The following KATNIP variants were observed in gnomAD, a reference collection of about 807,000 sequenced individuals.
The protein encoded by KATNIP is katanin interacting protein, also known as katanin-interacting protein.
A neutral mutation model predicts 174.0 loss-of-function variants in KATNIP; 126 were observed. The ratio of observed to expected loss-of-function variants is 0.72; its 90% CI spans 0.63 to 0.84. KATNIP has a LOEUF of 0.84. Ranked by LOEUF, KATNIP falls within the 40% of genes least tolerant of loss-of-function variation. KATNIP has a pLI of 0.00. For missense variants in KATNIP, 1,958 were observed against 2,109.7 expected (o/e 0.93, Z 1.41); for synonymous variants, 810 against 835.7 (o/e 0.97, Z 0.53).
intron 6 of KATNIP, among the ~76,000 whole-genome samples, chr16:27,656,823 A>T (rs1174726528): frequency 3.3e-5 from 5 of 149,866 alleles, no homozygotes; most frequent in African/African-American, 1.2e-4. Flanking sequence ...GCATTGGGAG[A>T]TATACCTAAT....
chr16:27,616,887 TAAAAAAAAAAAAAAAAAAAAAAAA>T (rs556687403), intron 2 of KATNIP, among the ~76,000 whole-genome samples: 8 of 31,384 alleles, frequency 2.5e-4, no homozygotes, highest in African/African-American at 5.3e-4. Flanking sequence ...CCATCTCTAC[TAAAAAAAAAAAAAAAAAAAAAAAA>T]AAAAAAAAAA....
At chr16:27,567,326 A>T (rs2090128730) in intron 1 of KATNIP, among the ~76,000 whole-genome samples, 1 of 152,202 alleles carries the variant, frequency 6.6e-6, no homozygotes, top group South Asian at 2.1e-4. Context: ...ATCCAAATAG[A>T]TCATTCAAAA....
intron 6 of KATNIP, among the ~76,000 whole-genome samples, chr16:27,653,733 A>T (rs1382136045): frequency 6.6e-6 from 1 of 151,112 alleles, no homozygotes; most frequent in East Asian, 2.0e-4. Context: ...ATCACAGCTC[A>T]TTGCAACCTC....
intron 12 of KATNIP, among the ~76,000 whole-genome samples, chr16:27,704,537 A>G (rs2079222914): frequency 6.6e-6 from 1 of 152,208 alleles, no homozygotes. Context: ...ACCCCACAGA[A>G]CTAAAAAGCT....
intron 2 of KATNIP, among the ~76,000 whole-genome samples, chr16:27,595,279 C>A (rs534503489): frequency 1.3e-5 from 2 of 152,226 alleles, no homozygotes; most frequent in East Asian, 3.9e-4. Flanking sequence ...CATAACTACT[C>A]AGGAAGCTAA....
rs187358836 is a variant in KATNIP, at chr16:27,595,713, C to G, written c.63+21757C>G. ...ATGTGCCAGCGGCTGGAGGCAGACA[C>G]TAAGCAAATAAAGAAGCAAAATATA... On this transcript the variant is annotated intron_variant, in intron 2 of 27. Coordinates refer to ENST00000261588, the MANE Select transcript of KATNIP (RefSeq NM_015202.5). Among the ~76,000 whole-genome samples the G allele has an allele frequency of 1.7e-3, 266 of 152,182 alleles. 2 individuals are homozygous for G. The highest frequency in any genetic ancestry group is 0.017 in the Middle Eastern group (5 of 294).
At chr16:27,714,665 A>G (rs2079845476) in intron 13 of KATNIP, among the ~76,000 whole-genome samples, 1 of 152,170 alleles carries the variant, frequency 6.6e-6, no homozygotes, top group Non-Finnish European at 1.5e-5. Context: ...AATAAAAAGG[A>G]TTACAAGAGA....
rs1220397658 is a variant in KATNIP, at chr16:27,631,399, G to A, written c.408+237G>A. On this transcript the variant is annotated intron_variant, in intron 5 of 27. Coordinates refer to ENST00000261588, the MANE Select transcript of KATNIP (RefSeq NM_015202.5). ...TACTAAAAATAAAAATAAAAAATTC[G>A]CCAGGTGTGGCAGCACGTACCTCTA... The A allele has an allele frequency of 1.8e-5, 9 of 487,604 alleles. 1 individual carries two copies. The highest frequency in any genetic ancestry group is 1.0e-4 in the South Asian group (4 of 38,354). The allele number at this position is 487,604 out of a possible 1,614,324, so 30.2% of individuals were successfully genotyped here. A position where few individuals can be genotyped will look rare whatever the true frequency, so the allele number is the denominator to read the frequency against.
At chr16:27,772,495 G>A (rs1209306289) in intron 22 of KATNIP, among the ~76,000 whole-genome samples, 4 of 152,212 alleles carry the variant, frequency 2.6e-5, no homozygotes, top group African/African-American at 9.6e-5. Flanking sequence ...CGGGGAGTGA[G>A]CAGAGCACAG....
chr16:27,625,235 A>G (rs1265256498), intron 3 of KATNIP, among the ~76,000 whole-genome samples: 1 of 152,212 alleles, frequency 6.6e-6, no homozygotes, highest in Non-Finnish European at 1.5e-5. Context: ...CTAATTTATC[A>G]GTTTCATAAA....
chr16:27,661,738 A>G (rs1483668990), intron 6 of KATNIP, among the ~76,000 whole-genome samples: 1 of 147,376 alleles, frequency 6.8e-6, no homozygotes, highest in African/African-American at 2.5e-5. Context: ...CTATGTTGGC[A>G]ACTAATTTAT....
At chr16:27,583,649 G>C (rs564468921) in intron 2 of KATNIP, among the ~76,000 whole-genome samples, 8 of 152,308 alleles carry the variant, frequency 5.3e-5, no homozygotes, top group African/African-American at 1.9e-4. Context: ...TATTTCCTCT[G>C]TGGTCCCCCA....
At chr16:27,690,394 TAAATAA>T (rs2078689875) in intron 8 of KATNIP, among the ~76,000 whole-genome samples, 1 of 147,082 alleles carries the variant, frequency 6.8e-6, no homozygotes, top group Non-Finnish European at 1.5e-5. Flanking sequence ...GATAGAAAAA[TAAATAA>T]AAATAAAATG....
chr16:27,604,390 C>T (rs375791421), intron 2 of KATNIP, among the ~76,000 whole-genome samples: 29 of 152,274 alleles, frequency 1.9e-4, no homozygotes, highest in African/African-American at 3.9e-4. Context: ...CACACCACCA[C>T]GCCCAGCTAC....
intron 15 of KATNIP, 137 bp from the exon 16 acceptor site, chr16:27,749,447 C>A: frequency 9.6e-7 from 1 of 1,036,818 alleles, no homozygotes; most frequent in Non-Finnish European, 1.4e-6. Flanking sequence ...CCGGGAACAA[C>A]CCCGCTGGTT....
chr16:27,651,444 A>AT (rs1334887331), intron 6 of KATNIP, among the ~76,000 whole-genome samples: 1 of 151,976 alleles, frequency 6.6e-6, no homozygotes, highest in Non-Finnish European at 1.5e-5. Context: ...AAAAAAAAAA[A>AT]GGCACGTGGC....
intron 21 of KATNIP, among the ~76,000 whole-genome samples, chr16:27,770,251 A>G (rs2082254139): frequency 6.6e-6 from 1 of 152,206 alleles, no homozygotes; most frequent in Non-Finnish European, 1.5e-5. Context: ...GAAGATTTTA[A>G]ATGCTTCATT....
At chr16:27,597,368 A>C (rs1285270501) in intron 2 of KATNIP, among the ~76,000 whole-genome samples, 2 of 149,816 alleles carry the variant, frequency 1.3e-5, no homozygotes, top group Non-Finnish European at 3.0e-5. Flanking sequence ...GTATCCATAA[A>C]ATATATGTGG....
intron 6 of KATNIP, among the ~76,000 whole-genome samples, chr16:27,661,711 AT>A (rs2077480727): frequency 6.8e-6 from 1 of 146,558 alleles, no homozygotes; most frequent in Admixed American, 6.9e-5. Flanking sequence ...TTTATGTTTG[AT>A]TTCCCCCAAT....
Sources: allele counts gnomAD v4.1 joint callset (sites outside exome capture counted in the v4.1 genomes callset), GRCh38; gene constraint gnomAD v4.1.1; transcripts MANE v1.5; gene names NCBI Gene and HGNC (gene_info 2026-07-23, HGNC 2026-07-21).